Variants in COL25A1 observed in about 807,000 individuals in gnomAD.
The protein encoded by COL25A1 is collagen alpha-1(XXV) chain.
In COL25A1, 103 loss-of-function variants were observed where a neutral mutation model predicts 128.4. The observed-to-expected ratio is 0.80, with a 90% CI of 0.68 to 0.94. The LOEUF (loss-of-function observed/expected upper bound fraction) is 0.94, where lower values mean the gene tolerates loss of function less well. Ranked by LOEUF, COL25A1 falls within the 40% of genes least tolerant of loss-of-function variation. COL25A1 has a pLI of 0.00. For missense variants in COL25A1, 745 were observed against 840.0 expected, an observed-to-expected ratio of 0.89 and a Z score of 1.40; for synonymous variants, 279 against 277.2, an observed-to-expected ratio of 1.01 and a Z score of -0.06.
intron 3 of COL25A1, among the ~76,000 whole-genome samples, chr4:109,142,983 G>A (rs1404162640): frequency 1.3e-5 from 2 of 152,118 alleles, no homozygotes; most frequent in Non-Finnish European, 2.9e-5. Flanking sequence ...CCCATTAGTT[G>A]ATGCAGTTTC....
chr4:109,153,506 C>A (rs773537755), intron 3 of COL25A1, among the ~76,000 whole-genome samples: 14 of 152,044 alleles, frequency 9.2e-5, no homozygotes, highest in Non-Finnish European at 2.1e-4. Flanking sequence ...CACAAGAGGG[C>A]TCTATTCCTT....
intron 31 of COL25A1, among the ~76,000 whole-genome samples, chr4:108,833,844 G>GA (rs1733454171): frequency 6.6e-6 from 1 of 151,874 alleles, no homozygotes; most frequent in African/African-American, 2.4e-5. Context: ...AAGAACCAAA[G>GA]AAAAAAAGAC....
intron 3 of COL25A1, among the ~76,000 whole-genome samples, chr4:109,206,992 C>T (rs1219566805): frequency 6.6e-6 from 1 of 152,116 alleles, no homozygotes; most frequent in African/African-American, 2.4e-5. Context: ...TATATAGCTT[C>T]AGCAGATAAT....
At chr4:108,824,077 G>C (rs1560702110) in intron 35 of COL25A1, 97 bp downstream of exon 35, 3 of 1,613,594 alleles carry the variant, frequency 1.9e-6, no homozygotes, top group Middle Eastern at 1.7e-4. Flanking sequence ...ACAGGATGGA[G>C]AAAGATTAAG....
Position 109,180,641 on chromosome 4 carries a change from A to G in COL25A1, c.367+119942T>C, listed in dbSNP as rs556570661. 1.2e-4 allele frequency among the ~76,000 whole-genome samples: 19 copies of G among 152,186 alleles called. 1 individual carries two copies. In the East Asian group the frequency reaches 3.7e-3, roughly 29 times the overall value. ...CTTTCAGAATTCAAATATATTTTTT[A>G]AAAACCAAAAATTTATATTAAGATT... On this transcript the variant is annotated intron_variant, in intron 3 of 37. Coordinates refer to ENST00000399132, the MANE Select transcript of COL25A1 (RefSeq NM_198721.4).
At chr4:109,115,361 TC>T (rs1274979737) in intron 3 of COL25A1, among the ~76,000 whole-genome samples, 1 of 152,082 alleles carries the variant, frequency 6.6e-6, no homozygotes, top group African/African-American at 2.4e-5. Flanking sequence ...GAATCCCAAA[TC>T]CTATAGGGTA....
intron 8 of COL25A1, among the ~76,000 whole-genome samples, chr4:108,972,523 C>T (rs1365856688): frequency 6.6e-6 from 1 of 152,120 alleles, no homozygotes; most frequent in Admixed American, 6.6e-5. Context: ...TGCTTGGAAT[C>T]TGAGAAAAGA....
intron 3 of COL25A1, among the ~76,000 whole-genome samples, chr4:109,250,964 C>G (rs990847596): frequency 6.6e-5 from 10 of 152,182 alleles, no homozygotes; most frequent in Non-Finnish European, 1.5e-4. Flanking sequence ...ACCAAAAACA[C>G]ATTAATCCTT....
chr4:108,995,708 C>A (rs949848242), intron 6 of COL25A1, among the ~76,000 whole-genome samples: 2 of 152,158 alleles, frequency 1.3e-5, no homozygotes, highest in Non-Finnish European at 2.9e-5. Flanking sequence ...ATGTTAAGGG[C>A]AGCCAGAGAG....
rs367954496 is a variant in COL25A1, at chr4:109,002,049, CAA to C, written c.438+8307_438+8308del. ...GTCAGAATGGCTATTGTAAAAAAGA[CAA>C]AAGATAACAAGTGTTGGTAAGGATG... On this transcript the variant is annotated intron_variant, in intron 6 of 37. Coordinates refer to ENST00000399132, the MANE Select transcript of COL25A1 (RefSeq NM_198721.4). Among the ~76,000 whole-genome samples the C allele has an allele frequency of 4.5e-4, 69 of 152,146 alleles. 1 individual carries two copies. In the East Asian group the frequency reaches 8.1e-3, roughly 18 times the overall value.
chr4:108,889,861 C>G (rs1578671499), intron 16 of COL25A1, 128 bp from the exon 17 acceptor site: 1 of 707,872 alleles, frequency 1.4e-6, no homozygotes, highest in East Asian at 2.7e-5. Flanking sequence ...TAACTACGTT[C>G]CAGAAGACTT....
At chr4:108,846,474 CATA>C (rs770435809) in intron 27 of COL25A1, among the ~76,000 whole-genome samples, 1 of 152,198 alleles carries the variant, frequency 6.6e-6, no homozygotes, top group Non-Finnish European at 1.5e-5. Flanking sequence ...TAGGTTTTGA[CATA>C]ATTTCTCCTG....
intron 3 of COL25A1, among the ~76,000 whole-genome samples, chr4:109,245,090 T>A (rs888866213): frequency 6.6e-6 from 1 of 152,006 alleles, no homozygotes; most frequent in Non-Finnish European, 1.5e-5. Flanking sequence ...TTAGGAAGGG[T>A]TTAAGTGACC....
In COL25A1 at chr4:109,148,921, T is replaced by G. The variant is rs1771205996; in HGVS notation, c.368-98742A>C. On this transcript the variant is annotated intron_variant, in intron 3 of 37. Transcript: ENST00000399132. Reference sequence around the variant, plus strand: ...TTCTTCCTACCCACTTCCCTTCTCTTCTTTCTCCTCTCTCTATCTTGCAAA... The same window carrying G: ...TTCTTCCTACCCACTTCCCTTCTCTGCTTTCTCCTCTCTCTATCTTGCAAA... Among the ~76,000 whole-genome samples, 2 of 152,142 alleles carry G rather than the reference T, an allele frequency of 1.3e-5. 1 individual carries two copies. Among genetic ancestry groups the G allele is most frequent in the Non-Finnish European group, 2.9e-5 (2 of 68,020 alleles).
intron 3 of COL25A1, among the ~76,000 whole-genome samples, chr4:109,180,088 C>A (rs1200077622): frequency 6.6e-6 from 1 of 152,054 alleles, no homozygotes; most frequent in South Asian, 2.1e-4. Context: ...TAGAGTGAAG[C>A]CTTCATTTTA....
chr4:108,979,418 T>A lies in COL25A1; in HGVS notation c.439-4859A>T, dbSNP rs72897057. ...GAAATACAGCTGGAAAAGAGAGATA[T>A]ATTCATAGGCCTGGAGTAACCCAAT... is the stretch of plus-strand genomic sequence containing the variant. On this transcript the variant is annotated intron_variant, in intron 6 of 37. Coordinates refer to ENST00000399132, the MANE Select transcript of COL25A1 (RefSeq NM_198721.4). Among the ~76,000 whole-genome samples, 806 of 152,310 alleles carry A rather than the reference T, an allele frequency of 5.3e-3. 3 individuals carry two copies. The highest frequency in any genetic ancestry group is 0.018 in the African/African-American group (757 of 41,566).
At chr4:109,077,952 G>A (rs1192986732) in intron 3 of COL25A1, among the ~76,000 whole-genome samples, 1 of 152,192 alleles carries the variant, frequency 6.6e-6, no homozygotes, top group African/African-American at 2.4e-5. Flanking sequence ...CACCCATAAA[G>A]GATAATTTTG....
chr4:109,119,501 A>G (rs1767919220), intron 3 of COL25A1, among the ~76,000 whole-genome samples: 1 of 152,034 alleles, frequency 6.6e-6, no homozygotes. Flanking sequence ...ATCACTACAG[A>G]TCCCATGGAC....
At chr4:108,920,754 G>A (rs1745408746) in intron 11 of COL25A1, 150 bp from the exon 12 acceptor site, 3 of 470,442 alleles carry the variant, frequency 6.4e-6, no homozygotes, top group Non-Finnish European at 1.1e-5. Context: ...AAAAATTTCA[G>A]TTTGAAGTTC....
Sources: gnomAD v4.1 joint callset for allele counts (sites outside exome capture counted in the v4.1 genomes callset) on GRCh38, gnomAD v4.1.1 for gene constraint, MANE v1.5 for transcripts, NCBI Gene and HGNC (gene_info 2026-07-23, HGNC 2026-07-21) for gene names.